The following TENM1 variants were observed in gnomAD, a reference collection of about 807,000 sequenced individuals.
The protein encoded by TENM1 is teneurin transmembrane protein 1.
A neutral mutation model predicts 174.8 loss-of-function variants in TENM1; 35 were observed. The observed-to-expected ratio is 0.20, with a 90% CI of 0.15 to 0.27. The LOEUF is 0.27. Among genes scored for constraint, TENM1 ranks in the 10% least tolerant of loss-of-function variants. The pLI is 1.00. For missense variants in TENM1, 1,633 were observed against 2,130.1 expected (o/e 0.77, Z 4.59); for synonymous variants, 781 against 798.7 (o/e 0.98, Z 0.37).
At chrX:125,017,862 C>A in the TENM1 span, among the ~76,000 whole-genome samples, 6 of 110,666 alleles carry the variant, frequency 5.4e-5, no homozygotes, top group Middle Eastern at 4.7e-3. Context: ...CACACCGGAG[C>A]CTATCAGGGG....
chrX:124,611,974 T>C (rs1268453562), intron 11 of TENM1, among the ~76,000 whole-genome samples: 1 of 112,124 alleles, frequency 8.9e-6, no homozygotes, highest in African/African-American at 3.2e-5. Context: ...TGCCTGTACA[T>C]TTTCAGCCTT....
rs376755403 is a variant in TENM1 at position 124,955,797 on chromosome X, G to GCACACA, written c.217+7734_217+7739dup. The stretch of plus-strand genomic sequence containing the variant: ...ATAAACAGATACAACACACGCGCAC[G>GCACACA]CACACACACACACACACACACACAC... On this transcript the variant is annotated intron_variant, in intron 1 of 31. Transcript: ENST00000422452. 7.1e-3 allele frequency among the ~76,000 whole-genome samples: 645 copies of GCACACA among 91,240 alleles called. 8 individuals carry two copies. The highest frequency in any genetic ancestry group is 0.027 in the African/African-American group (571 of 20,962). 79.2% of individuals were successfully genotyped at this position (91,240 alleles called of 115,157 possible). A position where few individuals can be genotyped will look rare whatever the true frequency, so the allele number is the denominator to read the frequency against.
At chrX:125,116,462 G>A in the TENM1 span, among the ~76,000 whole-genome samples, 1 of 111,802 alleles carries the variant, frequency 8.9e-6, no homozygotes, top group African/African-American at 3.2e-5. Flanking sequence ...CCTACAGAAC[G>A]GGAGAAAATT....
intron 10 of TENM1, among the ~76,000 whole-genome samples, chrX:124,643,507 A>G (rs778075957): frequency 9.0e-6 from 1 of 111,465 alleles, no homozygotes; most frequent in African/African-American, 3.3e-5. Flanking sequence ...TAGTGTTTAG[A>G]GAAGCCAGAA....
chrX:124,553,183 T>C (rs767778679), intron 14 of TENM1, among the ~76,000 whole-genome samples: 1 of 111,238 alleles, frequency 9.0e-6, no homozygotes, highest in Non-Finnish European at 1.9e-5. Flanking sequence ...TTGACTGTAG[T>C]CACCCTGTTG....
At chrX:124,614,099 A>G (rs778310946) in intron 11 of TENM1, among the ~76,000 whole-genome samples, 26 of 111,455 alleles carry the variant, frequency 2.3e-4, no homozygotes, top group Non-Finnish European at 4.0e-4. Flanking sequence ...GTGGCGTGGT[A>G]TGTCAATAGA....
chrX:124,748,010 T>C (rs192257082), intron 3 of TENM1, among the ~76,000 whole-genome samples: 155 of 112,026 alleles, frequency 1.4e-3, no homozygotes, highest in African/African-American at 5.0e-3. Flanking sequence ...ATTTTCTGGT[T>C]TTGGTAGCCC....
the TENM1 span, among the ~76,000 whole-genome samples, chrX:125,001,852 T>TAGATAC: frequency 4.0e-3 from 343 of 84,900 alleles, 3 homozygotes; most frequent in Middle Eastern, 6.6e-3. Context: ...TATAGATAGA[T>TAGATAC]ACACACACAC....
intron 23 of TENM1, among the ~76,000 whole-genome samples, chrX:124,427,949 TG>T (rs5903664): frequency 0.24 from 26,690 of 109,433 alleles, 2,847 homozygotes; most frequent in East Asian, 0.78. Context: ...ACTTCTTTTT[TG>T]GGGGGGTGGG....
chrX:124,831,534 A>C (rs1377253645), intron 3 of TENM1, among the ~76,000 whole-genome samples: 1 of 112,206 alleles, frequency 8.9e-6, no homozygotes, highest in East Asian at 2.8e-4. Flanking sequence ...CCAGAGAAAA[A>C]GCAAGTTTAC....
intron 1 of TENM1, among the ~76,000 whole-genome samples, chrX:124,907,577 A>C (rs1398985404): frequency 8.9e-6 from 1 of 111,754 alleles, no homozygotes; most frequent in African/African-American, 3.3e-5. Context: ...GGTTGAATGC[A>C]TGTCATTTAT....
At chrX:124,727,892 G>A (rs1267420719) in intron 4 of TENM1, among the ~76,000 whole-genome samples, 2 of 111,874 alleles carry the variant, frequency 1.8e-5, no homozygotes, top group African/African-American at 6.5e-5. Flanking sequence ...ATTCAGAAAG[G>A]TTCAGTAATT....
At chrX:124,547,161 A>T in intron 14 of TENM1, 71 bp from the exon 18 acceptor site, 1 of 814,966 alleles carries the variant, frequency 1.2e-6, no homozygotes, top group Non-Finnish European at 1.7e-6. Context: ...AAATATACAT[A>T]AATGGAGAAA....
chrX:125,152,332 A>G, the TENM1 span, among the ~76,000 whole-genome samples: 26 of 111,812 alleles, frequency 2.3e-4, no homozygotes, highest in East Asian at 7.2e-3. Flanking sequence ...AAAGTAAGAG[A>G]TGACTTGACC....
chrX:124,690,834 C>T (rs1425382671), intron 5 of TENM1, among the ~76,000 whole-genome samples: 1 of 110,385 alleles, frequency 9.1e-6, no homozygotes, highest in East Asian at 2.9e-4. Flanking sequence ...GCTTTGAGGC[C>T]CTCACCGGAT....
chrX:124,841,923 C>CT (rs1449544665), intron 3 of TENM1, among the ~76,000 whole-genome samples: 1 of 112,038 alleles, frequency 8.9e-6, no homozygotes, highest in Non-Finnish European at 1.9e-5. Flanking sequence ...CGTAGGTTGG[C>CT]TTTTTTTGTG....
chrX:124,924,424 G>A (rs1192114018), intron 1 of TENM1, among the ~76,000 whole-genome samples: 1 of 111,072 alleles, frequency 9.0e-6, no homozygotes, highest in Admixed American at 9.6e-5. Flanking sequence ...CTTTTCTAAC[G>A]TTTCTTTCCT....
chrX:124,492,680 T>G (rs1026704157), intron 20 of TENM1, among the ~76,000 whole-genome samples: 6 of 110,733 alleles, frequency 5.4e-5, no homozygotes, highest in African/African-American at 2.0e-4. Context: ...TTAGCTTATT[T>G]CTTTGATGGC....
At chrX:124,939,741 CT>C (rs1448804524) in intron 1 of TENM1, among the ~76,000 whole-genome samples, 1 of 111,463 alleles carries the variant, frequency 9.0e-6, no homozygotes, top group Non-Finnish European at 1.9e-5. Context: ...TCAGTCAGGG[CT>C]TTTGCCCTTG....
Sources: gnomAD v4.1 joint callset for allele counts (sites outside exome capture counted in the v4.1 genomes callset) on GRCh38, gnomAD v4.1.1 for gene constraint, MANE v1.5 for transcripts, NCBI Gene and HGNC (gene_info 2026-07-23, HGNC 2026-07-21) for gene names.